The following PXDN variants were observed in gnomAD, a reference collection of about 807,000 sequenced individuals.
PXDN encodes peroxidasin.
A neutral mutation model predicts 140.3 loss-of-function variants in PXDN; 77 were observed. The observed-to-expected ratio is 0.55, with a 90% CI of 0.46 to 0.66. PXDN has a LOEUF of 0.66. Ranked by LOEUF, PXDN falls within the 30% of genes least tolerant of loss-of-function variation. The pLI is 0.00. For missense variants in PXDN, 1,838 were observed against 2,039.5 expected (o/e 0.90, Z 1.90); for synonymous variants, 911 against 857.4 (o/e 1.06, Z -1.09).
Position 1,670,834 on chromosome 2 carries a change from T to C in PXDN, c.1018+2809A>G, listed in dbSNP as rs114055103. ...CTGTGCCCTCGGCATGAGAAAGAAC[T>C]AACTTCAAAACCTGCCTGCCCCACC... is the stretch of plus-strand genomic sequence containing the variant. On this transcript the variant is annotated intron_variant, in intron 9 of 22. Transcript: ENST00000252804. 2.9e-3 allele frequency among the ~76,000 whole-genome samples: 442 copies of C among 152,236 alleles called. 6 individuals are homozygous for C. The highest frequency in any genetic ancestry group is 0.01 in the African/African-American group (424 of 41,536).
intron 15 of PXDN, 182 bp from the exon 16 acceptor site, chr2:1,653,967 A>G (rs1683072626): frequency 1.5e-6 from 1 of 688,136 alleles, no homozygotes; most frequent in Non-Finnish European, 2.3e-6. Context: ...CAAACAGACA[A>G]AAACCGGAAG....
Position 1,720,198 on chromosome 2 carries a change from GGAGGGATGCAGAGA to G in PXDN, c.200+24044_200+24057del, listed in dbSNP as rs1274812885. On this transcript the variant is annotated intron_variant, in intron 1 of 22. Transcript: ENST00000252804. The stretch of plus-strand genomic sequence containing the variant: ...GAGAGAGAGAGATGCACAGAGAGAG[GGAGGGATGCAGAGA>G]GAGGGAGGGATGCAGAGAGAGAGAG... 1.4e-3 allele frequency among the ~76,000 whole-genome samples: 31 copies of G among 22,836 alleles called. 3 individuals carry two copies. The highest frequency in any genetic ancestry group is 2.6e-3 in the South Asian group (1 of 384). The allele number at this position is 22,836 out of a possible 152,430, so 15.0% of individuals were successfully genotyped here. A position where few individuals can be genotyped will look rare whatever the true frequency, so the allele number is the denominator to read the frequency against.
chr2:1,637,900 C>G lies in PXDN; in HGVS notation c.4206+946G>C, dbSNP rs12714335. ...GCACCTGGTCTCTAGGTTGCGGAGG[C>G]AGGAGGACCTGCCACATGTCGTCCA... On this transcript the variant is annotated intron_variant, in intron 21 of 22. Transcript: ENST00000252804. 4.1e-3 allele frequency among the ~76,000 whole-genome samples: 25 copies of G among 6,144 alleles called. 4 individuals are homozygous for G. Among genetic ancestry groups the G allele is most frequent in the East Asian group, 0.062 (2 of 32 alleles). 4.0% of individuals were successfully genotyped at this position (6,144 alleles called of 152,430 possible).
At chr2:1,641,300 C>T (rs956704429) in intron 19 of PXDN, among the ~76,000 whole-genome samples, 4 of 151,984 alleles carry the variant, frequency 2.6e-5, no homozygotes, top group Admixed American at 1.3e-4. Context: ...TACAGGTGCC[C>T]GCCACCACGC....
chr2:1,650,555 G>A (rs1382269742), intron 16 of PXDN, among the ~76,000 whole-genome samples: 8 of 152,058 alleles, frequency 5.3e-5, no homozygotes, highest in Non-Finnish European at 4.4e-5. Context: ...GCTACTCCAC[G>A]TCCTGGGGTC....
intron 1 of PXDN, among the ~76,000 whole-genome samples, chr2:1,700,250 C>T (rs111874481): frequency 7.2e-5 from 11 of 151,986 alleles, no homozygotes; most frequent in Admixed American, 1.3e-4. Flanking sequence ...TTAGTAGAGA[C>T]GGGGTTTCGC....
intron 14 of PXDN, among the ~76,000 whole-genome samples, chr2:1,658,788 C>A (rs1471535275): frequency 2.6e-5 from 3 of 117,022 alleles, no homozygotes; most frequent in Non-Finnish European, 5.2e-5. Flanking sequence ...GACCCCAGGA[C>A]CCCCCCACTC....
intron 1 of PXDN, among the ~76,000 whole-genome samples, chr2:1,698,388 A>C (rs1684344946): frequency 6.6e-6 from 1 of 152,050 alleles, no homozygotes; most frequent in Admixed American, 6.6e-5. Context: ...AGAAATGATA[A>C]CTGTAGGGCA....
At chr2:1,741,571 C>T (rs568002534) in intron 1 of PXDN, among the ~76,000 whole-genome samples, 1 of 152,254 alleles carries the variant, frequency 6.6e-6, no homozygotes, top group Non-Finnish European at 1.5e-5. Context: ...CAGTATCAGA[C>T]CCGCTTAAAC....
Position 1,744,346 on chromosome 2 carries a change from G to A in PXDN, c.110C>T (p.Pro37Leu). 1 of 1,527,622 alleles carries A rather than the reference G, an allele frequency of 6.5e-7. No individual in the cohort carries two copies. The allele number at this position is 1,527,622 out of a possible 1,614,324, so 94.6% of individuals were successfully genotyped here. Residue 37 changes from proline to leucine, a missense_variant, in exon 1 of 23, where the codon CCG becomes CTG. This residue lies in a region of PXDN where 231 missense variants were observed against 201.5 expected (regional missense o/e 1.15). Transcript: ENST00000252804. ...GGTGCGGAAGCACAGGCAGCGGCTC[G>A]GACACCCTGCGCCCGGCTTCTGGGC... ...VVAQKPGAGC[P>L]SRCLCFRTTV...
At position 1,664,971 on chromosome 2, in the gene PXDN, G is replaced by C; in HGVS notation, c.1395C>G (p.Ala465=). ...CCTGGGTCTTACCTCCCTTGGTCCA[G>C]GCGATGACGGGCGGCGGGTTGCCCT... ...EAKGNPPPVI[A]WTKGGSQLSV... The change falls in exon 11 of 23, where the codon GCC becomes GCG. Residue 465 remains alanine, a synonymous_variant. Coordinates refer to ENST00000252804, the MANE Select transcript of PXDN (RefSeq NM_012293.3). The C allele has an allele frequency of 1.2e-6, 2 of 1,610,166 alleles. No individual in the cohort carries two copies. The highest frequency in any genetic ancestry group is 1.7e-6 in the Non-Finnish European group (2 of 1,177,430).
chr2:1,635,501 C>T lies in PXDN; in HGVS notation c.4227G>A (p.Arg1409=), dbSNP rs748580782. The change falls in exon 22 of 23, where the codon CGG becomes CGA. Residue 1409 remains arginine, a synonymous_variant. Coordinates refer to ENST00000252804, the MANE Select transcript of PXDN (RefSeq NM_012293.3). ...CATCCACGCACTCTGTGGTACTGAG[C>T]CGTGATTCAAGTTTCTTTATCTGCA... ...LRTQIKKLES[R]LSTTECVDAG... 1.3e-5 allele frequency: 20 copies of T among 1,592,594 alleles called. No homozygotes were observed. The highest frequency in any genetic ancestry group is 1.6e-5 in the Non-Finnish European group (19 of 1,168,288).
chr2:1,730,782 G>A (rs1435043085), intron 1 of PXDN, among the ~76,000 whole-genome samples: 2 of 151,906 alleles, frequency 1.3e-5, no homozygotes, highest in African/African-American at 4.9e-5. Context: ...ATCCCTTAGA[G>A]AAAAGTCTTC....
chr2:1,704,335 A>G (rs1307750469), intron 1 of PXDN, among the ~76,000 whole-genome samples: 25 of 61,388 alleles, frequency 4.1e-4, no homozygotes, highest in Non-Finnish European at 6.0e-4. Flanking sequence ...GCGGGGGACA[A>G]CTCCAGGTGA....
intron 16 of PXDN, among the ~76,000 whole-genome samples, chr2:1,652,492 TCTCCCCAAG>T (rs67905545): frequency 0.55 from 83,626 of 151,416 alleles, 25,146 homozygotes; most frequent in Middle Eastern, 0.71. Context: ...CTCTGATGCT[TCTCCCCAAG>T]AATGTGCCTG....
intron 1 of PXDN, among the ~76,000 whole-genome samples, chr2:1,737,836 C>G (rs933889215): frequency 1.3e-5 from 2 of 152,106 alleles, no homozygotes; most frequent in African/African-American, 2.4e-5. Context: ...TCCATGCCCC[C>G]CTTAATGCCT....
intron 14 of PXDN, among the ~76,000 whole-genome samples, chr2:1,655,580 A>G (rs1464599933): frequency 4.6e-5 from 7 of 151,274 alleles, no homozygotes; most frequent in African/African-American, 1.7e-4. Context: ...TCCTGACAGA[A>G]ACCTGTCCCC....
At chr2:1,719,378 C>G (rs1374893788) in intron 1 of PXDN, among the ~76,000 whole-genome samples, 1 of 152,194 alleles carries the variant, frequency 6.6e-6, no homozygotes, top group Non-Finnish European at 1.5e-5. Context: ...TGCTCAGGGT[C>G]CTCTCCCCAG....
chr2:1,695,171 C>T (rs1165913553), intron 1 of PXDN, among the ~76,000 whole-genome samples: 1 of 152,192 alleles, frequency 6.6e-6, no homozygotes, highest in Non-Finnish European at 1.5e-5. Context: ...GACTTGGCTC[C>T]TGGAGCCTGG....
Sources: gnomAD v4.1 joint callset for allele counts (sites outside exome capture counted in the v4.1 genomes callset) on GRCh38, gnomAD v4.1.1 for gene constraint, gnomAD v4.1.1 regional missense constraint, MANE v1.5 for transcripts, NCBI Gene and HGNC (gene_info 2026-07-23, HGNC 2026-07-21) for gene names.